GRIN2B: variants seen among roughly 807,000 people sequenced by gnomAD.
The protein encoded by GRIN2B is glutamate ionotropic receptor NMDA type subunit 2B.
In GRIN2B, 5 loss-of-function variants were observed where a neutral mutation model predicts 114.5. That is an observed-to-expected ratio of 0.04 (90% CI 0.02 to 0.09). GRIN2B has a LOEUF of 0.09. GRIN2B is among the 10% of genes least tolerant of loss of function. The probability of loss-of-function intolerance (pLI) is 1.00; values close to 1 mark genes in which losing one functional copy is unlikely to be tolerated. For missense variants in GRIN2B, 1,108 were observed against 1,943.5 expected (o/e 0.57, Z 8.08); for synonymous variants, 787 against 745.1 (o/e 1.06, Z -0.92).
At chr12:13,896,038 A>G (rs1182569555) in intron 2 of GRIN2B, among the ~76,000 whole-genome samples, 1 of 152,220 alleles carries the variant, frequency 6.6e-6, no homozygotes, top group Non-Finnish European at 1.5e-5. Flanking sequence ...CTATTTCAAC[A>G]AATTCACTAT....
At chr12:13,661,751 G>A (rs896743559) in intron 5 of GRIN2B, among the ~76,000 whole-genome samples, 5 of 152,148 alleles carry the variant, frequency 3.3e-5, no homozygotes, top group Non-Finnish European at 7.3e-5. Context: ...AACCAAAGGC[G>A]GCCCCGCAGA....
At chr12:13,632,595 C>A (rs953211282) in intron 5 of GRIN2B, among the ~76,000 whole-genome samples, 1 of 152,166 alleles carries the variant, frequency 6.6e-6, no homozygotes, top group Non-Finnish European at 1.5e-5. Context: ...CATCCTCTGC[C>A]TAAGCAGGGA....
intron 10 of GRIN2B, among the ~76,000 whole-genome samples, chr12:13,601,279 G>A (rs1327120403): frequency 6.6e-6 from 1 of 152,184 alleles, no homozygotes; most frequent in Non-Finnish European, 1.5e-5. Flanking sequence ...GGTTCTAGGG[G>A]AGAATCCATA....
intron 2 of GRIN2B, among the ~76,000 whole-genome samples, chr12:13,879,130 G>A (rs1246889869): frequency 2.0e-5 from 3 of 152,038 alleles, no homozygotes; most frequent in Non-Finnish European, 4.4e-5. Flanking sequence ...TAATGACAGA[G>A]CTATGTCCTA....
intron 4 of GRIN2B, among the ~76,000 whole-genome samples, chr12:13,715,143 C>T (rs1950444354): frequency 1.3e-5 from 2 of 151,754 alleles, no homozygotes; most frequent in South Asian, 4.2e-4. Context: ...CAATGATGTT[C>T]GCTAACAAGA....
Position 13,542,437 on chromosome 12 carries a change from ATGT to A in GRIN2B, c.*20343_*20345del, listed in dbSNP as rs559891130. 1.5e-3 allele frequency: 231 copies of A among 152,312 alleles called. 2 individuals carry two copies. Among genetic ancestry groups the A allele is most frequent in the African/African-American group, 4.9e-3 (205 of 41,568 alleles). 9.4% of individuals were successfully genotyped at this position (152,312 alleles called of 1,614,324 possible). On this transcript the variant is annotated 3_prime_UTR_variant, in exon 14 of 14. Transcript: ENST00000609686. ...AACATTTGTTGACATCTATAAAAACATGTTGTGGCCTATCACAGTTAGCAGTGG... is the reference window on the plus strand; with the variant it reads ...AACATTTGTTGACATCTATAAAAACATGTGGCCTATCACAGTTAGCAGTGG...
chr12:13,966,306 T>C (rs1306320691), intron 2 of GRIN2B, among the ~76,000 whole-genome samples: 2 of 152,224 alleles, frequency 1.3e-5, no homozygotes, highest in East Asian at 3.8e-4. Flanking sequence ...TATTATTACA[T>C]CCAATTTGGT....
At chr12:13,861,422 A>G (rs1345267183) in intron 3 of GRIN2B, among the ~76,000 whole-genome samples, 1 of 152,238 alleles carries the variant, frequency 6.6e-6, no homozygotes, top group African/African-American at 2.4e-5. Context: ...TCAGTTCATT[A>G]TTTGGATTCA....
chr12:13,906,448 A>G (rs976456640), intron 2 of GRIN2B, among the ~76,000 whole-genome samples: 2 of 152,192 alleles, frequency 1.3e-5, no homozygotes, highest in African/African-American at 2.4e-5. Context: ...CAACTTTTTG[A>G]GTTTCAATAA....
intron 5 of GRIN2B, among the ~76,000 whole-genome samples, chr12:13,650,632 C>T (rs1949804638): frequency 6.6e-6 from 1 of 152,052 alleles, no homozygotes; most frequent in South Asian, 2.1e-4. Flanking sequence ...CCACCTCATT[C>T]AGTTCAGTAA....
At chr12:13,623,902 T>C (rs1046853923) in intron 5 of GRIN2B, among the ~76,000 whole-genome samples, 1 of 152,228 alleles carries the variant, frequency 6.6e-6, no homozygotes, top group South Asian at 2.1e-4. Context: ...CTTTTGCATG[T>C]AGCTTTTCCT....
chr12:13,861,756 GCCCTT>G (rs1865756255), intron 3 of GRIN2B, among the ~76,000 whole-genome samples: 2 of 152,204 alleles, frequency 1.3e-5, no homozygotes, highest in African/African-American at 4.8e-5. Flanking sequence ...TCAACCATAT[GCCCTT>G]CTTGGGTGGT....
chr12:13,601,053 A>C (rs548477968), intron 10 of GRIN2B, among the ~76,000 whole-genome samples: 10 of 152,326 alleles, frequency 6.6e-5, no homozygotes, highest in African/African-American at 2.4e-4. Flanking sequence ...TGGGGCTGGG[A>C]GACTGACAAT....
chr12:13,946,232 T>C (rs1867360503), intron 2 of GRIN2B, among the ~76,000 whole-genome samples: 1 of 152,150 alleles, frequency 6.6e-6, no homozygotes, highest in East Asian at 1.9e-4. Context: ...CATCATAATC[T>C]AAATAGTTAC....
chr12:13,599,950 T>A (rs967512556), intron 10 of GRIN2B, among the ~76,000 whole-genome samples: 2 of 152,256 alleles, frequency 1.3e-5, no homozygotes, highest in East Asian at 3.8e-4. Context: ...CAACATCCCA[T>A]GCTGTGTACT....
intron 4 of GRIN2B, among the ~76,000 whole-genome samples, chr12:13,678,118 T>C (rs1950092957): frequency 6.6e-6 from 1 of 152,160 alleles, no homozygotes; most frequent in African/African-American, 2.4e-5. Flanking sequence ...GAAGGACATC[T>C]AAACCCCCAG....
rs534201799 is a variant in GRIN2B at position 13,851,366 on chromosome 12, T to A, written c.411+14432A>T. Among the ~76,000 whole-genome samples, 754 of 152,324 alleles carry A rather than the reference T, an allele frequency of 4.9e-3. 3 individuals are homozygous for A. The highest frequency in any genetic ancestry group is 0.016 in the South Asian group (75 of 4,828). The stretch of plus-strand genomic sequence containing the variant: ...TTCTCCAACTCTTCTTTCTCCTTCT[T>A]AATCTTTATTAAGCATTCACTCAAT... On this transcript the variant is annotated intron_variant, in intron 3 of 13. Transcript: ENST00000609686.
chr12:13,931,059 G>A (rs1867020897), intron 2 of GRIN2B, among the ~76,000 whole-genome samples: 1 of 152,148 alleles, frequency 6.6e-6, no homozygotes. Context: ...ATCACATATG[G>A]ACTACTAGTT....
intron 2 of GRIN2B, among the ~76,000 whole-genome samples, chr12:13,927,825 G>A (rs956132995): frequency 6.6e-6 from 1 of 151,176 alleles, no homozygotes; most frequent in Non-Finnish European, 1.5e-5. Context: ...AAATTAGCTG[G>A]GTGTTGTGGT....
Sources: gnomAD v4.1 joint callset for allele counts (sites outside exome capture counted in the v4.1 genomes callset) on GRCh38, gnomAD v4.1.1 for gene constraint, MANE v1.5 for transcripts, NCBI Gene and HGNC (gene_info 2026-07-23, HGNC 2026-07-21) for gene names.